Variants in STARD9 observed in about 807,000 individuals in gnomAD.
The protein encoded by STARD9 is StAR related lipid transfer domain containing 9.
A neutral mutation model predicts 399.8 loss-of-function variants in STARD9; 346 were observed. The observed-to-expected ratio is 0.87, with a 90% CI of 0.79 to 0.95. STARD9 has a LOEUF of 0.95. Among genes scored for constraint, STARD9 ranks in the 40% least tolerant of loss-of-function variants. STARD9 has a pLI of 0.00. For missense variants in STARD9, 5,832 were observed against 5,667.5 expected (o/e 1.03, Z -0.93); for synonymous variants, 2,203 against 2,143.5 (o/e 1.03, Z -0.77).
intron 28 of STARD9, among the ~76,000 whole-genome samples, chr15:42,717,260 G>A (rs951189816): frequency 6.6e-6 from 1 of 152,062 alleles, no homozygotes; most frequent in Non-Finnish European, 1.5e-5. Context: ...TGAAGTGGGA[G>A]GATCACTTGA....
intron 3 of STARD9, among the ~76,000 whole-genome samples, chr15:42,626,336 TTCTTCCTCTTCCTCTTCTTCC>T (rs1391285044): frequency 6.7e-6 from 1 of 148,452 alleles, no homozygotes; most frequent in East Asian, 2.2e-4. Context: ...CCTCTTCCTC[TTCTTCCTCTTCCTCTTCTTCC>T]TCTTCCTCTT....
At chr15:42,591,064 A>G (rs1182992075) in intron 3 of STARD9, among the ~76,000 whole-genome samples, 1 of 152,220 alleles carries the variant, frequency 6.6e-6, no homozygotes, top group East Asian at 1.9e-4. Flanking sequence ...TGTTGACCTC[A>G]GCGCTGTTGA....
At chr15:42,703,171 C>T (rs898067769) in intron 26 of STARD9, among the ~76,000 whole-genome samples, 4 of 152,012 alleles carry the variant, frequency 2.6e-5, no homozygotes, top group Admixed American at 6.6e-5. Context: ...TATTATATGC[C>T]GTGGAGTAGT....
At chr15:42,711,656 T>A (rs2061226580) in intron 26 of STARD9, among the ~76,000 whole-genome samples, 1 of 152,146 alleles carries the variant, frequency 6.6e-6, no homozygotes, top group Non-Finnish European at 1.5e-5. Flanking sequence ...TATGAGAGCT[T>A]CATTCGTTTT....
chr15:42,582,819 C>A (rs1055337818), intron 1 of STARD9, among the ~76,000 whole-genome samples: 1 of 152,120 alleles, frequency 6.6e-6, no homozygotes, highest in Admixed American at 6.5e-5. Flanking sequence ...CTCAGTCTTG[C>A]AAGTAGTTGG....
intron 20 of STARD9, among the ~76,000 whole-genome samples, chr15:42,677,373 A>T (rs1226321579): frequency 1.3e-5 from 2 of 152,244 alleles, no homozygotes; most frequent in African/African-American, 4.8e-5. Flanking sequence ...TGCGTGAAGG[A>T]TGATCCTAGT....
rs1566913784 is a variant in STARD9 at position 42,663,263 on chromosome 15, C to CT, written c.869-12dup. The CT allele has an allele frequency of 6.6e-7, 1 of 1,513,420 alleles. No homozygotes were observed. The highest frequency in any genetic ancestry group is 2.5e-5 in the East Asian group (1 of 40,482). 93.7% of individuals were successfully genotyped at this position (1,513,420 alleles called of 1,614,324 possible). On this transcript the variant is annotated splice_polypyrimidine_tract_variant and intron_variant, in intron 11 of 32. Transcript: ENST00000290607. ...CATAATTCCTTCTTTCTTCCATTTT[C>CT]TTTTTTCATCTTTTAAGCCCAGAAC... is the stretch of plus-strand genomic sequence containing the variant.
At chr15:42,697,985 T>C (rs2060880252) in intron 26 of STARD9, among the ~76,000 whole-genome samples, 2 of 152,210 alleles carry the variant, frequency 1.3e-5, no homozygotes, top group Non-Finnish European at 1.5e-5. Context: ...TAGGGGTCTT[T>C]ATGCATACAA....
intron 30 of STARD9, 83 bp from the exon 31 acceptor site, chr15:42,718,352 G>A (rs187655221): frequency 1.9e-5 from 25 of 1,298,154 alleles, no homozygotes; most frequent in East Asian, 2.5e-5. Flanking sequence ...TGGGGTGTTG[G>A]GGGGAGGGCT....
At chr15:42,639,123 C>T (rs1286721911) in intron 7 of STARD9, among the ~76,000 whole-genome samples, 1 of 152,184 alleles carries the variant, frequency 6.6e-6, no homozygotes. Flanking sequence ...TCAGGAAGAG[C>T]TTCTCTGAGG....
chr15:42,688,673 A>G lies in STARD9; in HGVS notation c.7095A>G (p.Thr2365=), dbSNP rs1468237123. ...CACTTGACTGTGTGCTGGATCTCAC[A>G]ATGTTGAAAATTCATAACAGTCCCT... ...ISSLDCVLDL[T]MLKIHNSPLV... The change falls in exon 23 of 33, where the codon ACA becomes ACG. Residue 2365 remains threonine (T), a synonymous_variant. Coordinates refer to ENST00000290607, the MANE Select transcript of STARD9 (RefSeq NM_020759.3). The G allele has an allele frequency of 1.3e-6, 2 of 1,537,500 alleles. No individual in the cohort carries two copies. Among genetic ancestry groups the G allele is most frequent in the Non-Finnish European group, 1.7e-6 (2 of 1,147,014 alleles).
At chr15:42,628,295 A>AT (rs903748645) in intron 3 of STARD9, among the ~76,000 whole-genome samples, 4 of 151,902 alleles carry the variant, frequency 2.6e-5, no homozygotes, top group African/African-American at 4.8e-5. Context: ...TTTTTTATTG[A>AT]TTTTTTTGCA....
At position 42,663,421 on chromosome 15, in the gene STARD9, C is replaced by G. The variant is rs778867047; in HGVS notation, c.1009C>G (p.Arg337Gly). The G allele has an allele frequency of 6.5e-7, 1 of 1,537,288 alleles. No homozygotes were observed. Among genetic ancestry groups the G allele is most frequent in the Non-Finnish European group, 8.7e-7 (1 of 1,146,930 alleles). ...PSRRQSYIPY[R>G]DSVLTWLLKD... ...CCGAAGGCAGTCTTATATCCCATAC[C>G]GAGACTCTGTGTTGACCTGGCTGCT... is the stretch of plus-strand genomic sequence containing the variant. Residue 337 changes from arginine to glycine, a missense_variant, in exon 12 of 33, where the codon CGA becomes GGA. By Grantham distance (125) the Arg-to-Gly change is moderately radical. Transcript: ENST00000290607.
Position 42,682,488 on chromosome 15 carries a change from C to G in STARD9, c.2450C>G (p.Pro817Arg), listed in dbSNP as rs1595762291. 2 of 1,537,186 alleles carry G rather than the reference C, an allele frequency of 1.3e-6. No individual in the cohort carries two copies. ...GTCCTCAGCCCTGATGCCACAGTCC[C>G]ACGGCCTCCATGTAGAAGCAAATTG... ...YQVLSPDATV[P>R]RPPCRSKLTS... Residue 817 changes from proline to arginine, a missense_variant, in exon 22 of 33, where the codon CCA (proline) becomes CGA (arginine). Physicochemically the swap from Pro to Arg is moderately radical, Grantham distance 103. This residue lies in a region of STARD9 where 5,828 missense variants were observed against 5,651.1 expected (regional missense o/e 1.03). Transcript: ENST00000290607.
chr15:42,696,457 A>C (rs975565588), intron 26 of STARD9, among the ~76,000 whole-genome samples: 4 of 152,228 alleles, frequency 2.6e-5, no homozygotes, highest in Admixed American at 1.3e-4. Context: ...TGGGAAAATG[A>C]CATGAGAAGG....
In STARD9 at chr15:42,666,747, C is replaced by T. The variant is rs566910804; in HGVS notation, c.1317+899C>T. Among the ~76,000 whole-genome samples the T allele has an allele frequency of 9.2e-5, 14 of 152,206 alleles. No individual in the cohort carries two copies. The South Asian group carries it at 2.1e-3, about 23-fold the overall frequency. On this transcript the variant is annotated intron_variant, in intron 15 of 32. Coordinates refer to ENST00000290607, the MANE Select transcript of STARD9 (RefSeq NM_020759.3). ...ACCAGGAAAGAGACTGCTGTAACCC[C>T]GTGAGGGCAAGGACAAGACATTTTG...
chr15:42,657,744 A>G (rs557186321), intron 9 of STARD9, among the ~76,000 whole-genome samples: 1 of 152,376 alleles, frequency 6.6e-6, no homozygotes, highest in East Asian at 1.9e-4. Context: ...CCTGAAGCTA[A>G]AGTAACCAAG....
At chr15:42,699,231 A>G (rs2060907545) in intron 26 of STARD9, among the ~76,000 whole-genome samples, 1 of 152,038 alleles carries the variant, frequency 6.6e-6, no homozygotes, top group South Asian at 2.1e-4. Context: ...GTTATTAGCT[A>G]TAGTCACCCT....
intron 20 of STARD9, among the ~76,000 whole-genome samples, chr15:42,679,590 A>G (rs1320007347): frequency 6.6e-6 from 1 of 152,056 alleles, no homozygotes; most frequent in African/African-American, 2.4e-5. Context: ...ATCTTTTACT[A>G]TCCTCCAAAG....
Sources: gnomAD v4.1 joint callset for allele counts (sites outside exome capture counted in the v4.1 genomes callset) on GRCh38, gnomAD v4.1.1 for gene constraint, gnomAD v4.1.1 regional missense constraint, MANE v1.5 for transcripts, NCBI Gene and HGNC (gene_info 2026-07-23, HGNC 2026-07-21) for gene names.